Variants in TTC8 observed in about 807,000 individuals in gnomAD.
TTC8 encodes tetratricopeptide repeat protein 8.
TTC8 carries 47 observed loss-of-function variants against 72.5 expected under a neutral mutation model. The ratio of observed to expected loss-of-function variants is 0.65; its 90% CI spans 0.51 to 0.83. The LOEUF is 0.83. TTC8 is among the 40% of genes least tolerant of loss of function. TTC8 has a pLI of 0.00. For missense variants in TTC8, 611 were observed against 623.2 expected (o/e 0.98, Z 0.21); for synonymous variants, 199 against 221.4 (o/e 0.90, Z 0.90).
intron 10 of TTC8, among the ~76,000 whole-genome samples, chr14:88,861,605 G>A (rs2094886211): frequency 6.6e-6 from 1 of 151,590 alleles, no homozygotes; most frequent in Non-Finnish European, 1.5e-5. Context: ...AAATATTTTT[G>A]TACCCCTTAA....
At chr14:88,847,097 C>G (rs1282509306) in intron 7 of TTC8, among the ~76,000 whole-genome samples, 1 of 152,164 alleles carries the variant, frequency 6.6e-6, no homozygotes, top group Non-Finnish European at 1.5e-5. Context: ...TGCTAGACTT[C>G]TTGAGTCAGA....
In TTC8 at chr14:88,870,157, C is replaced by G. The variant is rs773508310; in HGVS notation, c.1008C>G (p.His336Gln). 6.2e-7 allele frequency: 1 copy of G among 1,614,152 alleles called. No homozygotes were observed. The highest frequency in any genetic ancestry group is 1.7e-5 in the Admixed American group (1 of 60,028). The change falls in exon 11 of 15, where the codon CAC (histidine) becomes CAG (glutamine). Residue 336 changes from histidine (H) to glutamine (Q), a missense_variant. Transcript: ENST00000380656. The part of the protein sequence containing the change: ...VEAIACIGSN[H>Q]FYSDQPEIAL... Reference sequence around the variant, plus strand: ...CCATCGCATGCATTGGAAGCAACCACTTCTATTCTGATCAGCCAGAAATAG... The same window carrying G: ...CCATCGCATGCATTGGAAGCAACCAGTTCTATTCTGATCAGCCAGAAATAG...
At chr14:88,868,200 C>G (rs936570514) in intron 10 of TTC8, among the ~76,000 whole-genome samples, 1 of 152,174 alleles carries the variant, frequency 6.6e-6, no homozygotes, top group African/African-American at 2.4e-5. Flanking sequence ...AACCTACAGA[C>G]TTTCTCCACT....
rs943712827 is a variant in TTC8, at chr14:88,875,169, A to G, written c.1431+60A>G. On this transcript the variant is annotated intron_variant, in intron 14 of 14. Transcript: ENST00000380656. The stretch of plus-strand genomic sequence containing the variant: ...TGTTCTTTTTTTTTCTTTGTTTTAA[A>G]AAAAGTACAAATAAATGAGGAAATT... The G allele has an allele frequency of 1.1e-5, 16 of 1,430,122 alleles. No individual in the cohort carries two copies. In the South Asian group the frequency reaches 1.4e-4, roughly 13 times the overall value. 88.6% of individuals were successfully genotyped at this position (1,430,122 alleles called of 1,614,324 possible).
chr14:88,826,386 G>A (rs1322664310), intron 1 of TTC8, among the ~76,000 whole-genome samples: 1 of 151,930 alleles, frequency 6.6e-6, no homozygotes, highest in Non-Finnish European at 1.5e-5. Flanking sequence ...GACCCTTTAC[G>A]TTGGTACAAC....
chr14:88,832,418 A>G (rs1443602155), intron 1 of TTC8, among the ~76,000 whole-genome samples: 1 of 151,800 alleles, frequency 6.6e-6, no homozygotes, highest in South Asian at 2.1e-4. Flanking sequence ...AATATATTGG[A>G]TTTATCTTGT....
chr14:88,861,461 C>A, intron 10 of TTC8, 129 bp downstream of exon 10: 1 of 642,552 alleles, frequency 1.6e-6, no homozygotes, highest in Non-Finnish European at 2.7e-6. Context: ...AGTTATCTAT[C>A]ACCTCAAACA....
chr14:88,857,070 T>C (rs2141006982), intron 8 of TTC8, 120 bp from the exon 9 acceptor site: 1 of 873,938 alleles, frequency 1.1e-6, no homozygotes, highest in Middle Eastern at 3.2e-4. Flanking sequence ...TATGTGTATG[T>C]GCAACATTAC....
chr14:88,861,139 G>A (rs2094884147), intron 9 of TTC8, 83 bp from the exon 10 acceptor site: 1 of 1,048,342 alleles, frequency 9.5e-7, no homozygotes, highest in East Asian at 2.7e-5. Context: ...GAGATAATTT[G>A]TTACTAATCA....
At chr14:88,875,393 C>T (rs1401268067) in intron 14 of TTC8, among the ~76,000 whole-genome samples, 1 of 152,142 alleles carries the variant, frequency 6.6e-6, no homozygotes, top group Non-Finnish European at 1.5e-5. Flanking sequence ...CACTTAATAA[C>T]TCCTGGTTTG....
At chr14:88,876,451 T>C (rs919480273) in intron 14 of TTC8, among the ~76,000 whole-genome samples, 8 of 152,188 alleles carry the variant, frequency 5.3e-5, no homozygotes, top group African/African-American at 1.9e-4. Flanking sequence ...AATCAAGATA[T>C]ACTCAACTGT....
intron 1 of TTC8, 61 bp downstream of exon 1, chr14:88,824,882 T>A: frequency 6.8e-7 from 1 of 1,475,290 alleles, no homozygotes; most frequent in Non-Finnish European, 9.4e-7. Context: ...GTCTGGGGCA[T>A]ATCCCAGCCC....
chr14:88,842,905 T>C (rs891840120), intron 6 of TTC8, among the ~76,000 whole-genome samples: 1 of 152,108 alleles, frequency 6.6e-6, no homozygotes, highest in African/African-American at 2.4e-5. Context: ...CACTCTTAAC[T>C]TTTGTTTCTT....
At chr14:88,854,239 G>A (rs2094846194) in intron 8 of TTC8, among the ~76,000 whole-genome samples, 1 of 152,146 alleles carries the variant, frequency 6.6e-6, no homozygotes, top group Non-Finnish European at 1.5e-5. Context: ...TTAAAGGAAA[G>A]CAAAACTCTG....
chr14:88,846,259 C>T (rs149898430), intron 7 of TTC8, among the ~76,000 whole-genome samples: 4,132 of 151,748 alleles, frequency 0.027, 140 homozygotes, highest in East Asian at 0.16. Flanking sequence ...CCAGGGAGGT[C>T]GAGGCTGCAG....
At chr14:88,836,066 T>C (rs2094749354) in intron 2 of TTC8, among the ~76,000 whole-genome samples, 1 of 152,208 alleles carries the variant, frequency 6.6e-6, no homozygotes, top group Non-Finnish European at 1.5e-5. Context: ...ACAGTCTGAG[T>C]AGATTTTATT....
At chr14:88,859,875 ATT>A (rs1566850234) in intron 9 of TTC8, among the ~76,000 whole-genome samples, 1 of 118,428 alleles carries the variant, frequency 8.4e-6, no homozygotes, top group African/African-American at 5.2e-5. Flanking sequence ...ATATAAATAT[ATT>A]ATATATTATA....
chr14:88,850,530 A>G (rs897045508), intron 7 of TTC8, among the ~76,000 whole-genome samples: 3 of 152,148 alleles, frequency 2.0e-5, no homozygotes, highest in Non-Finnish European at 4.4e-5. Flanking sequence ...TGTCTCCACT[A>G]AAAACATAAA....
intron 2 of TTC8, among the ~76,000 whole-genome samples, chr14:88,835,391 G>A (rs958214371): frequency 1.7e-4 from 26 of 152,318 alleles, no homozygotes; most frequent in Non-Finnish European, 1.3e-4. Context: ...TTGCTGGCAA[G>A]TATCTGCTTC....
Sources: gnomAD v4.1 joint callset for allele counts (sites outside exome capture counted in the v4.1 genomes callset) on GRCh38, gnomAD v4.1.1 for gene constraint, MANE v1.5 for transcripts, NCBI Gene and HGNC (gene_info 2026-07-23, HGNC 2026-07-21) for gene names.